Variants in BAZ2B observed in about 807,000 individuals in gnomAD.
BAZ2B encodes the protein bromodomain adjacent to zinc finger domain protein 2B.
In BAZ2B, 91 loss-of-function variants were observed where a neutral mutation model predicts 246.0. That is an observed-to-expected ratio of 0.37 (90% CI 0.31 to 0.44). The LOEUF (loss-of-function observed/expected upper bound fraction) is 0.44, where lower values mean the gene tolerates loss of function less well. Ranked by LOEUF, BAZ2B falls within the 20% of genes least tolerant of loss-of-function variation. The pLI, the probability that BAZ2B is intolerant of heterozygous loss-of-function variation, is 1.00. For missense variants in BAZ2B, 2,332 were observed against 2,533.7 expected (o/e 0.92, Z 1.71); for synonymous variants, 855 against 860.0 (o/e 0.99, Z 0.10).
At chr2:159,411,511 A>G (rs2066837669) in intron 14 of BAZ2B, among the ~76,000 whole-genome samples, 1 of 152,192 alleles carries the variant, frequency 6.6e-6, no homozygotes, top group Admixed American at 6.5e-5. Flanking sequence ...TTTTAAGTCA[A>G]TTTTCATTAT....
chr2:159,430,439 G>A (rs1296034889), intron 10 of BAZ2B, among the ~76,000 whole-genome samples: 1 of 152,138 alleles, frequency 6.6e-6, no homozygotes, highest in Non-Finnish European at 1.5e-5. Context: ...TATCAGTAAG[G>A]CTTCTGGTCA....
chr2:159,328,104 T>C (rs950063977), intron 34 of BAZ2B, among the ~76,000 whole-genome samples: 1 of 145,782 alleles, frequency 6.9e-6, no homozygotes, highest in Non-Finnish European at 1.5e-5. Context: ...AAGTATGAAA[T>C]TGAAATCACA....
At position 159,524,730 on chromosome 2, in the gene BAZ2B, T is replaced by A. The variant is rs115747097; in HGVS notation, c.-3+31093A>T. Among the ~76,000 whole-genome samples, 1,052 of 152,292 alleles carry A rather than the reference T, an allele frequency of 6.9e-3. 7 individuals are homozygous for A. The highest frequency in any genetic ancestry group is 0.024 in the African/African-American group (1,005 of 41,560). On this transcript the variant is annotated intron_variant, in intron 2 of 36. Transcript: ENST00000392783. Reference sequence around the variant, plus strand: ...AGAACACTGGATTAAAATTACATAATTTTTTTGTAAGTAAAATTGATATTT... The same window carrying A: ...AGAACACTGGATTAAAATTACATAAATTTTTTGTAAGTAAAATTGATATTT...
intron 27 of BAZ2B, among the ~76,000 whole-genome samples, chr2:159,356,366 G>A (rs2059114067): frequency 6.6e-6 from 1 of 152,240 alleles, no homozygotes. Flanking sequence ...TGTAAATAAA[G>A]CTGCCAGGAA....
At chr2:159,418,221 A>T (rs2068103580) in intron 13 of BAZ2B, among the ~76,000 whole-genome samples, 1 of 152,256 alleles carries the variant, frequency 6.6e-6, no homozygotes, top group South Asian at 2.1e-4. Context: ...ACTTTTAAAG[A>T]AAGAAAATAT....
the BAZ2B span, among the ~76,000 whole-genome samples, chr2:159,663,615 G>T: frequency 0.31 from 47,096 of 151,000 alleles, 9,267 homozygotes; most frequent in Admixed American, 0.48. Flanking sequence ...TGCCTCCTGG[G>T]TTCAAGCGAT....
chr2:159,363,805 TG>T (rs769791883), intron 27 of BAZ2B, among the ~76,000 whole-genome samples: 5 of 152,152 alleles, frequency 3.3e-5, no homozygotes, highest in Non-Finnish European at 7.3e-5. Flanking sequence ...AACATGATAC[TG>T]AATAGTTTAC....
At chr2:159,614,339 A>G (rs1695387541) in intron 1 of BAZ2B, among the ~76,000 whole-genome samples, 1 of 152,222 alleles carries the variant, frequency 6.6e-6, no homozygotes, top group Non-Finnish European at 1.5e-5. Context: ...TTTAAAATCA[A>G]TTCTGCCTCT....
the BAZ2B span, among the ~76,000 whole-genome samples, chr2:159,686,047 A>T: frequency 6.6e-6 from 1 of 152,232 alleles, no homozygotes; most frequent in Admixed American, 6.5e-5. Context: ...GGATCGCTGA[A>T]GGCCAGGAGT....
At chr2:159,373,302 G>C in intron 26 of BAZ2B, 113 bp from the exon 27 acceptor site, 1 of 909,398 alleles carries the variant, frequency 1.1e-6, no homozygotes, top group Non-Finnish European at 1.5e-6. Context: ...TTCACTACTG[G>C]GAAAAGAGCA....
At chr2:159,368,737 T>A (rs923329572) in intron 27 of BAZ2B, among the ~76,000 whole-genome samples, 1 of 151,942 alleles carries the variant, frequency 6.6e-6, no homozygotes, top group African/African-American at 2.4e-5. Context: ...AGAATTCATA[T>A]ACAGCTTATT....
At chr2:159,503,655 C>A (rs1377309841) in intron 2 of BAZ2B, among the ~76,000 whole-genome samples, 1 of 152,106 alleles carries the variant, frequency 6.6e-6, no homozygotes, top group Non-Finnish European at 1.5e-5. Flanking sequence ...TCTCAGCTCA[C>A]TGCAACCTCC....
chr2:159,628,434 A>C, the BAZ2B span, among the ~76,000 whole-genome samples: 1 of 152,240 alleles, frequency 6.6e-6, no homozygotes, highest in Non-Finnish European at 1.5e-5. Context: ...ACAAGGCTAC[A>C]GTAATCAAAA....
intron 1 of BAZ2B, among the ~76,000 whole-genome samples, chr2:159,580,730 T>C (rs1248762700): frequency 6.6e-6 from 1 of 151,980 alleles, no homozygotes; most frequent in African/African-American, 2.4e-5. Flanking sequence ...TAGAGACCAA[T>C]GGAACAGAAC....
intron 27 of BAZ2B, among the ~76,000 whole-genome samples, chr2:159,367,557 A>G (rs1430774320): frequency 1.3e-5 from 2 of 152,170 alleles, no homozygotes; most frequent in African/African-American, 4.8e-5. Flanking sequence ...TTCTTTATTA[A>G]GAACACATTA....
At chr2:159,422,381 G>A (rs993422345) in intron 13 of BAZ2B, among the ~76,000 whole-genome samples, 1 of 152,118 alleles carries the variant, frequency 6.6e-6, no homozygotes, top group African/African-American at 2.4e-5. Flanking sequence ...CATGGTACTG[G>A]TACAAAAACA....
At chr2:159,599,557 G>A (rs906160820) in intron 1 of BAZ2B, among the ~76,000 whole-genome samples, 1 of 152,028 alleles carries the variant, frequency 6.6e-6, no homozygotes, top group African/African-American at 2.4e-5. Context: ...GGTGGAGGTT[G>A]CTGTGGGCCG....
chr2:159,503,602 G>A (rs2082049832), intron 2 of BAZ2B, among the ~76,000 whole-genome samples: 4 of 151,588 alleles, frequency 2.6e-5, no homozygotes, highest in Non-Finnish European at 1.5e-5. Context: ...TTTTTGAGAT[G>A]GAGTTTCACT....
chr2:159,690,059 TA>T, the BAZ2B span: 1 of 442,878 alleles, frequency 2.3e-6, no homozygotes, highest in Non-Finnish European at 4.1e-6. Context: ...ATGTCTTCAG[TA>T]ATCAGTTTGA....
Sources: allele counts gnomAD v4.1 joint callset (sites outside exome capture counted in the v4.1 genomes callset), GRCh38; gene constraint gnomAD v4.1.1; transcripts MANE v1.5; gene names NCBI Gene and HGNC (gene_info 2026-07-23, HGNC 2026-07-21).